KCNIP4: variants seen among roughly 807,000 people sequenced by gnomAD.
The protein encoded by KCNIP4 is potassium voltage-gated channel interacting protein 4, also known as Kv channel-interacting protein 4.
KCNIP4 carries 12 observed loss-of-function variants against 34.0 expected under a neutral mutation model. That is an observed-to-expected ratio of 0.35 (90% CI 0.23 to 0.57). The LOEUF is 0.57. Among genes scored for constraint, KCNIP4 ranks in the 20% least tolerant of loss-of-function variants. KCNIP4 has a pLI of 0.83. For synonymous variants in KCNIP4, 124 were observed against 102.2 expected (o/e 1.21, Z -1.29); for missense variants, 238 against 311.7 (o/e 0.76, Z 1.78).
chr4:20,864,746 G>C (rs1158969), intron 2 of KCNIP4, among the ~76,000 whole-genome samples: 16,971 of 152,082 alleles, frequency 0.11, 1,293 homozygotes, highest in Non-Finnish European at 0.16. Context: ...CCTTAACTTT[G>C]TAAGTTCATG....
chr4:21,257,681 C>T (rs760177213), intron 1 of KCNIP4, among the ~76,000 whole-genome samples: 2 of 150,268 alleles, frequency 1.3e-5, no homozygotes, highest in East Asian at 3.9e-4. Context: ...ACCCAGGAGG[C>T]GGAGGTTGCA....
At chr4:21,578,373 T>G in intron 1 of KCNIP4, among the ~76,000 whole-genome samples, 1 of 142,902 alleles carries the variant, frequency 7.0e-6, no homozygotes, top group African/African-American at 2.6e-5. Context: ...TCATGCTAGC[T>G]AAATGTGAAT....
At chr4:21,399,692 T>C (rs1023192883) in intron 1 of KCNIP4, among the ~76,000 whole-genome samples, 4 of 151,580 alleles carry the variant, frequency 2.6e-5, no homozygotes, top group African/African-American at 9.7e-5. Context: ...AGTCTCACAC[T>C]GTCGAACAGG....
chr4:21,668,370 G>A (rs1189502848), intron 1 of KCNIP4, among the ~76,000 whole-genome samples: 1 of 152,076 alleles, frequency 6.6e-6, no homozygotes, highest in African/African-American at 2.4e-5. Context: ...AAAAACTGCT[G>A]TATTAAGGCA....
At chr4:21,234,408 TAAC>T in intron 1 of KCNIP4, among the ~76,000 whole-genome samples, 2 of 130,824 alleles carry the variant, frequency 1.5e-5, no homozygotes, top group African/African-American at 5.9e-5. Flanking sequence ...ATATATTATA[TAAC>T]ATATACTATA....
At chr4:21,474,765 G>C (rs1318003715) in intron 1 of KCNIP4, among the ~76,000 whole-genome samples, 1 of 148,436 alleles carries the variant, frequency 6.7e-6, no homozygotes, top group Non-Finnish European at 1.5e-5. Flanking sequence ...GGGATGCCGA[G>C]GTGGGCTGAT....
intron 1 of KCNIP4, among the ~76,000 whole-genome samples, chr4:21,177,430 C>G (rs1169173007): frequency 3.9e-5 from 6 of 152,128 alleles, no homozygotes; most frequent in Non-Finnish European, 1.5e-5. Flanking sequence ...TCTCTTCTCT[C>G]CTTCAACTCT....
At chr4:20,951,305 T>G (rs1732766243) in intron 1 of KCNIP4, among the ~76,000 whole-genome samples, 1 of 152,214 alleles carries the variant, frequency 6.6e-6, no homozygotes, top group South Asian at 2.1e-4. Context: ...AAGCCACCTA[T>G]TCTGTCATAT....
chr4:20,810,010 C>T (rs1451895859), intron 3 of KCNIP4, among the ~76,000 whole-genome samples: 1 of 152,162 alleles, frequency 6.6e-6, no homozygotes, highest in Non-Finnish European at 1.5e-5. Flanking sequence ...CACGTTTTTG[C>T]ACATGAAACC....
chr4:20,848,945 C>T (rs978493873), intron 3 of KCNIP4, among the ~76,000 whole-genome samples: 1 of 152,136 alleles, frequency 6.6e-6, no homozygotes, highest in Non-Finnish European at 1.5e-5. Flanking sequence ...GTCTTTTACA[C>T]CTCCTTTCCT....
chr4:20,913,981 C>T (rs569937664), intron 1 of KCNIP4, among the ~76,000 whole-genome samples: 1 of 152,122 alleles, frequency 6.6e-6, no homozygotes, highest in African/African-American at 2.4e-5. Flanking sequence ...CATGGTGAAA[C>T]CCTGTTTCTA....
chr4:20,975,221 A>AT (rs1175953517), intron 1 of KCNIP4, among the ~76,000 whole-genome samples: 2 of 150,118 alleles, frequency 1.3e-5, no homozygotes, highest in Non-Finnish European at 2.9e-5. Context: ...ACTTAAGGTG[A>AT]TTTTATTTTA....
At chr4:21,096,834 G>A (rs2109057997) in intron 1 of KCNIP4, among the ~76,000 whole-genome samples, 1 of 152,158 alleles carries the variant, frequency 6.6e-6, no homozygotes, top group Admixed American at 6.5e-5. Context: ...AAATAGCTAT[G>A]ATACCTGATC....
intron 1 of KCNIP4, among the ~76,000 whole-genome samples, chr4:21,346,501 G>C (rs139261830): frequency 0.022 from 3,267 of 151,056 alleles, 50 homozygotes; most frequent in Non-Finnish European, 0.032. Context: ...CTAACAAATA[G>C]GATTTGGAAG....
At chr4:21,386,499 C>A (rs1483258409) in intron 1 of KCNIP4, among the ~76,000 whole-genome samples, 1 of 152,128 alleles carries the variant, frequency 6.6e-6, no homozygotes, top group Non-Finnish European at 1.5e-5. Flanking sequence ...CATAATTTCC[C>A]CTGTTGTGAT....
At chr4:20,904,740 G>A (rs572213724) in intron 1 of KCNIP4, among the ~76,000 whole-genome samples, 3 of 152,158 alleles carry the variant, frequency 2.0e-5, no homozygotes, top group East Asian at 3.9e-4. Flanking sequence ...TACCAATAAT[G>A]TTTTAAATTT....
intron 1 of KCNIP4, among the ~76,000 whole-genome samples, chr4:21,126,060 T>A (rs1175575843): frequency 6.6e-6 from 1 of 152,098 alleles, no homozygotes; most frequent in Non-Finnish European, 1.5e-5. Flanking sequence ...AGACAGGGTA[T>A]AAATACCCTG....
chr4:20,788,753 T>C (rs867900156), intron 3 of KCNIP4, among the ~76,000 whole-genome samples: 14 of 152,028 alleles, frequency 9.2e-5, no homozygotes, highest in Admixed American at 2.0e-4. Context: ...GAGAAAAACA[T>C]ACCCCAAAGA....
intron 1 of KCNIP4, chr4:20,916,331 AGTT>A: frequency 1.0e-6 from 1 of 985,328 alleles, no homozygotes; most frequent in Non-Finnish European, 1.2e-6. Context: ...ACCTCTTTGC[AGTT>A]GTTATGGTGC....
Sources: allele counts gnomAD v4.1 joint callset (sites outside exome capture counted in the v4.1 genomes callset), GRCh38; gene constraint gnomAD v4.1.1; transcripts MANE v1.5; gene names NCBI Gene and HGNC (gene_info 2026-07-23, HGNC 2026-07-21).